The following ROS1 variants were observed in gnomAD, a reference collection of about 807,000 sequenced individuals.
The protein encoded by ROS1 is ROS proto-oncogene 1, receptor tyrosine kinase, also known as proto-oncogene tyrosine-protein kinase ROS.
A neutral mutation model predicts 273.5 loss-of-function variants in ROS1; 263 were observed. That is an observed-to-expected ratio of 0.96 (90% CI 0.87 to 1.06). The LOEUF (loss-of-function observed/expected upper bound fraction) is 1.06. Among genes scored for constraint, ROS1 ranks in the 50% least tolerant of loss-of-function variants. The probability of loss-of-function intolerance (pLI) is 0.00; values close to 1 mark genes in which losing one functional copy is unlikely to be tolerated. For synonymous variants in ROS1, 1,008 were observed against 954.1 expected, an observed-to-expected ratio of 1.06 and a Z score of -1.04; for missense variants, 2,833 against 2,751.1, an observed-to-expected ratio of 1.03 and a Z score of -0.67.
chr6:117,312,583 T>A (rs569396158), intron 39 of ROS1, among the ~76,000 whole-genome samples: 1 of 152,228 alleles, frequency 6.6e-6, no homozygotes, highest in African/African-American at 2.4e-5. Context: ...CTGTGAAGAC[T>A]TTCTCTAGGC....
At chr6:117,318,352 C>A in intron 37 of ROS1, 100 bp from the exon 38 acceptor site, 1 of 852,440 alleles carries the variant, frequency 1.2e-6, no homozygotes, top group Non-Finnish European at 2.0e-6. Flanking sequence ...AATATCTACC[C>A]TGAAAGCTGG....
chr6:117,292,008 C>T (rs1053258780), intron 43 of ROS1, among the ~76,000 whole-genome samples: 6 of 150,460 alleles, frequency 4.0e-5, no homozygotes, highest in African/African-American at 1.2e-4. Flanking sequence ...CTCACTCTGT[C>T]GCCCAGGCTG....
chr6:117,401,773 A>G (rs1238955530), intron 7 of ROS1, among the ~76,000 whole-genome samples: 1 of 151,074 alleles, frequency 6.6e-6, no homozygotes, highest in African/African-American at 2.4e-5. Context: ...TATATTAAAA[A>G]TATAATACAA....
In ROS1 at chr6:117,326,091, T is replaced by TA. The variant is rs1491282002; in HGVS notation, c.5539+132_5539+133insT. 2.8e-3 allele frequency: 408 copies of TA among 148,322 alleles called. 2 individuals carry two copies. Among genetic ancestry groups the TA allele is most frequent in the African/African-American group, 9.2e-3 (281 of 30,576 alleles). The allele number at this position is 148,322 out of a possible 1,614,324, so 9.2% of individuals were successfully genotyped here. ...TAGTTTAATAGTTTGGATAATAAGA[T>TA]TATATATATATATATATATATATAT... On this transcript the variant is annotated intron_variant, in intron 34 of 43. Coordinates refer to ENST00000368507, the MANE Select transcript of ROS1 (RefSeq NM_001378902.1).
Position 117,366,123 on chromosome 6 carries a change from C to A in ROS1, c.2750G>T (p.Arg917Ile), listed in dbSNP as rs368975857. 7.4e-6 allele frequency: 12 copies of A among 1,614,022 alleles called. No homozygotes were observed. Among genetic ancestry groups the A allele is most frequent in the Non-Finnish European group, 1.0e-5 (12 of 1,180,008 alleles). The stretch of plus-strand genomic sequence containing the variant: ...CTGAATAATTGTGAACTGATTAAAT[C>A]TGGCTGGTTCCAAAACAGAGACACT... Reference protein sequence around the residue: ...KTSVSVLEPARFNQFTIIQTS... With the variant: ...KTSVSVLEPAIFNQFTIIQTS... The change falls in exon 19 of 44, where the codon AGA becomes ATA. Residue 917 changes from arginine to isoleucine, a missense_variant. Arg to Ile is a moderately conservative substitution (Grantham distance 97, BLOSUM62 -3). Coordinates refer to ENST00000368507, the MANE Select transcript of ROS1 (RefSeq NM_001378902.1).
At chr6:117,409,209 T>C (rs1774687427) in intron 5 of ROS1, among the ~76,000 whole-genome samples, 1 of 147,626 alleles carries the variant, frequency 6.8e-6, no homozygotes, top group Non-Finnish European at 1.5e-5. Flanking sequence ...AAACTTAAAG[T>C]ATAATAAAAT....
In ROS1 at chr6:117,329,440, A is replaced by C. The variant is rs762214304; in HGVS notation, c.5237T>G (p.Val1746Gly). ...TTTGGGAATGCCTGGTTTATTTGGGACTCCAGCTTTAGGGAAAAAAAGAAA... is the reference window on the plus strand; with the variant it reads ...TTTGGGAATGCCTGGTTTATTTGGGCCTCCAGCTTTAGGGAAAAAAAGAAA... ...LPESFKTKAG[V>G]PNKPGIPKLL... Residue 1746 changes from valine to glycine, a missense_variant, in exon 33 of 44, where the codon GTC becomes GGC. Physicochemically the swap from Val to Gly is moderately radical, Grantham distance 109 (BLOSUM62 -3). Coordinates refer to ENST00000368507, the MANE Select transcript of ROS1 (RefSeq NM_001378902.1). The C allele has an allele frequency of 1.5e-5, 23 of 1,525,018 alleles. No individual in the cohort carries two copies. Among genetic ancestry groups the C allele is most frequent in the Non-Finnish European group, 2.1e-5 (23 of 1,103,330 alleles). The allele number at this position is 1,525,018 out of a possible 1,614,324, so 94.5% of individuals were successfully genotyped here. A position where few individuals can be genotyped will look rare whatever the true frequency, so the allele number is the denominator to read the frequency against.
intron 35 of ROS1, among the ~76,000 whole-genome samples, chr6:117,321,611 T>C: frequency 6.6e-6 from 1 of 152,126 alleles, no homozygotes; most frequent in Admixed American, 6.6e-5. Flanking sequence ...ACTACACCAT[T>C]TTTAATCTCA....
intron 22 of ROS1, among the ~76,000 whole-genome samples, chr6:117,360,717 T>G (rs970446270): frequency 6.6e-6 from 1 of 152,150 alleles, no homozygotes; most frequent in Non-Finnish European, 1.5e-5. Context: ...GAATGTCTAA[T>G]TAATTCAATT....
At chr6:117,385,621 G>A (rs1326537627) in intron 16 of ROS1, 62 bp downstream of exon 16, 1 of 1,409,840 alleles carries the variant, frequency 7.1e-7, no homozygotes, top group Middle Eastern at 1.8e-4. Context: ...AAATTGGTGT[G>A]CAAGTCACTG....
intron 32 of ROS1, among the ~76,000 whole-genome samples, chr6:117,335,233 G>GA (rs1384316740): frequency 6.6e-6 from 1 of 152,202 alleles, no homozygotes; most frequent in East Asian, 1.9e-4. Context: ...ATAAACGTAT[G>GA]AAAAAAGCTC....
At chr6:117,410,928 A>T (rs1332698050) in intron 4 of ROS1, among the ~76,000 whole-genome samples, 1 of 152,168 alleles carries the variant, frequency 6.6e-6, no homozygotes, top group Non-Finnish European at 1.5e-5. Flanking sequence ...ATTTTAGTGA[A>T]GCCTTCAACA....
Position 117,359,886 on chromosome 6 carries a change from C to G in ROS1, c.3556G>C (p.Ala1186Pro), listed in dbSNP as rs754239222. ...GCATAATATCCCATCTCATTATCAG[C>G]TGTGTAGCAAACGGCACTGATAACT... ...ERVISAVCYT[A>P]DNEMGYYAEG... Residue 1186 changes from alanine (A) to proline (P), a missense_variant, in exon 24 of 44, where the codon GCT becomes CCT. Physicochemically the swap from Ala to Pro is conservative, Grantham distance 27 (BLOSUM62 -1). Coordinates refer to ENST00000368507, the MANE Select transcript of ROS1 (RefSeq NM_001378902.1). 8 of 1,613,726 alleles carry G rather than the reference C, an allele frequency of 5.0e-6. No homozygotes were observed. In the African/African-American group the frequency reaches 1.1e-4, roughly 22 times the overall value.
At position 117,337,350 on chromosome 6, in the gene ROS1, G is replaced by T. The variant is rs1158716115; in HGVS notation, c.5062-10C>A. On this transcript the variant is annotated splice_polypyrimidine_tract_variant and intron_variant, in intron 31 of 43. Transcript: ENST00000368507. ...ACTCATTGTATTTCCACTAGAAAAA[G>T]AAGTCTCGATTAATATTTTTGTTTC... 6.3e-7 allele frequency: 1 copy of T among 1,584,146 alleles called. No individual in the cohort carries two copies. Among genetic ancestry groups the T allele is most frequent in the Admixed American group, 1.9e-5 (1 of 52,994 alleles).
rs1156593326 is a variant in ROS1, at chr6:117,386,869, A to C, written c.2110+20T>G. On this transcript the variant is annotated intron_variant, in intron 15 of 43. Coordinates refer to ENST00000368507, the MANE Select transcript of ROS1 (RefSeq NM_001378902.1). ...GAGTAGAAATCTGTCATTCAAGTGA[A>C]CAGAGGACTTGGGGTTTACCTGACA... 1 of 1,241,168 alleles carries C rather than the reference A, an allele frequency of 8.1e-7. No individual in the cohort carries two copies. Among genetic ancestry groups the C allele is most frequent in the Non-Finnish European group, 1.2e-6 (1 of 850,524 alleles). 76.9% of individuals were successfully genotyped at this position (1,241,168 alleles called of 1,614,324 possible). A position where few individuals can be genotyped will look rare whatever the true frequency, so the allele number is the denominator to read the frequency against.
chr6:117,372,385 T>C (rs961944626), intron 18 of ROS1, among the ~76,000 whole-genome samples: 5 of 152,206 alleles, frequency 3.3e-5, no homozygotes, highest in African/African-American at 1.2e-4. Flanking sequence ...TACTGACAAA[T>C]TAATTCAGTA....
At chr6:117,374,387 A>G (rs571907720) in intron 18 of ROS1, among the ~76,000 whole-genome samples, 2 of 152,296 alleles carry the variant, frequency 1.3e-5, no homozygotes, top group East Asian at 3.9e-4. Context: ...AGGATACCCT[A>G]TTCAACAAAT....
Position 117,287,992 on chromosome 6 carries a change from A to G in ROS1, c.*500T>C, listed in dbSNP as rs189943709. On this transcript the variant is annotated 3_prime_UTR_variant, in exon 44 of 44. Coordinates refer to ENST00000368507, the MANE Select transcript of ROS1 (RefSeq NM_001378902.1). ...TAACAGCTTTCCAAGTGATTTCTCA[A>G]GTCACAGGTGCTGGTTTCTTCTGTA... Among the ~76,000 whole-genome samples the G allele has an allele frequency of 6.6e-6, 1 of 152,226 alleles. No homozygotes were observed. Among genetic ancestry groups the G allele is most frequent in the East Asian group, 1.9e-4 (1 of 5,184 alleles).
Position 117,342,507 on chromosome 6 carries a change from T to G in ROS1, c.4544A>C (p.Gln1515Pro). The change falls in exon 29 of 44, where the codon CAA (glutamine) becomes CCA (proline). Residue 1515 changes from glutamine (Q) to proline (P), a missense_variant. Coordinates refer to ENST00000368507, the MANE Select transcript of ROS1 (RefSeq NM_001378902.1). Reference sequence around the variant, plus strand: ...CTGTATCATGTATGTTGAAAATGGTTGTAAATCTTCAATAAGAGCTATACT... The same window carrying G: ...CTGTATCATGTATGTTGAAAATGGTGGTAAATCTTCAATAAGAGCTATACT... ...QDSIALIEDL[Q>P]PFSTYMIQIA... 6.2e-7 allele frequency: 1 copy of G among 1,600,600 alleles called. No homozygotes were observed.
Sources: gnomAD v4.1 joint callset for allele counts (sites outside exome capture counted in the v4.1 genomes callset) on GRCh38, gnomAD v4.1.1 for gene constraint, MANE v1.5 for transcripts, NCBI Gene and HGNC (gene_info 2026-07-23, HGNC 2026-07-21) for gene names.